The following IL34 variants were observed in gnomAD, a reference collection of about 807,000 sequenced individuals.
The protein encoded by IL34 is interleukin 34, also known as interleukin-34.
IL34 carries 17 observed loss-of-function variants against 25.3 expected under a neutral mutation model. The observed-to-expected ratio is 0.67, with a 90% CI of 0.46 to 1.01. IL34 has a LOEUF of 1.01. IL34 is among the 50% of genes least tolerant of loss of function. The pLI is 0.00. For synonymous variants in IL34, 174 were observed against 140.9 expected, an observed-to-expected ratio of 1.23 and a Z score of -1.66; for missense variants, 368 against 312.9, an observed-to-expected ratio of 1.18 and a Z score of -1.33.
intron 1 of IL34, among the ~76,000 whole-genome samples, chr16:70,637,845 T>C (rs900573229): frequency 1.2e-4 from 19 of 152,350 alleles, no homozygotes; most frequent in Admixed American, 2.0e-4. Context: ...TATTTTGCTA[T>C]GCTCTATTTA....
intron 1 of IL34, 85 bp from the exon 2 acceptor site, chr16:70,654,453 G>T: frequency 6.7e-7 from 1 of 1,499,296 alleles, no homozygotes; most frequent in South Asian, 1.3e-5. Context: ...GCAAATGGAT[G>T]ATGGTTGTGC....
At chr16:70,644,689 C>A (rs936441508), upstream of IL34, among the ~76,000 whole-genome samples, 5 of 130,282 alleles carry the variant, frequency 3.8e-5, no homozygotes, top group Admixed American at 9.2e-5. Context: ...AGGGGAATTG[C>A]CAGGGTGAGG....
At chr16:70,647,067 C>G in intron 1 of IL34, 92 bp downstream of exon 1, 1 of 1,180,626 alleles carries the variant, frequency 8.5e-7, no homozygotes, top group Non-Finnish European at 1.1e-6. Flanking sequence ...GGCATTCTTG[C>G]TGGTGAGAAG....
intron 4 of IL34, among the ~76,000 whole-genome samples, chr16:70,657,905 T>G (rs1010155756): frequency 6.6e-6 from 1 of 152,128 alleles, no homozygotes; most frequent in African/African-American, 2.4e-5. Flanking sequence ...TGGACTTTAG[T>G]TAATTAAAAA....
chr16:70,652,662 T>C (rs2052109936), intron 1 of IL34, among the ~76,000 whole-genome samples: 1 of 152,212 alleles, frequency 6.6e-6, no homozygotes, highest in Non-Finnish European at 1.5e-5. Context: ...TTCACTGTTA[T>C]AAAATAAATG....
chr16:70,656,525 A>G (rs1238368486), intron 2 of IL34, 77 bp from the exon 3 acceptor site: 1 of 845,186 alleles, frequency 1.2e-6, no homozygotes, highest in Non-Finnish European at 2.1e-6. Flanking sequence ...TGTTAAAAAA[A>G]ACATCATTTG....
At chr16:70,644,992 GGAGGAAGAA>G (rs2051888261), upstream of IL34, among the ~76,000 whole-genome samples, 7 of 148,182 alleles carry the variant, frequency 4.7e-5, no homozygotes, top group Non-Finnish European at 8.9e-5. Context: ...GTAGGAGGAA[GGAGGAAGAA>G]GAGGAAGAGG....
chr16:70,632,819 C>T (rs6499328), intron 1 of IL34, among the ~76,000 whole-genome samples: 85,971 of 151,950 alleles, frequency 0.57, 27,631 homozygotes, highest in African/African-American at 0.89. Flanking sequence ...TTGGGCTGGC[C>T]TTCTTTTGGG....
At chr16:70,608,639 G>T (rs924303608) in intron 1 of IL34, among the ~76,000 whole-genome samples, 2 of 152,182 alleles carry the variant, frequency 1.3e-5, no homozygotes, top group East Asian at 1.9e-4. Flanking sequence ...AGCCTCTGCC[G>T]CCAACTCTGA....
At chr16:70,634,570 C>G (rs1363862508) in intron 1 of IL34, among the ~76,000 whole-genome samples, 28 of 151,910 alleles carry the variant, frequency 1.8e-4, no homozygotes, top group Admixed American at 1.8e-3. Context: ...ATCCCAGGTA[C>G]TCAGGAGGCT....
intron 1 of IL34, among the ~76,000 whole-genome samples, chr16:70,599,363 CTT>C (rs1432042830): frequency 1.6e-5 from 2 of 123,180 alleles, no homozygotes; most frequent in African/African-American, 6.5e-5. Flanking sequence ...CTCTCTTTCT[CTT>C]TCTTTCTTTC....
intron 1 of IL34, among the ~76,000 whole-genome samples, chr16:70,638,248 A>C (rs908932920): frequency 6.6e-6 from 1 of 152,076 alleles, no homozygotes; most frequent in African/African-American, 2.4e-5. Flanking sequence ...AGGCCAAGGT[A>C]GGAGGACCAC....
At chr16:70,624,442 A>G (rs563076744) in intron 1 of IL34, among the ~76,000 whole-genome samples, 7 of 152,182 alleles carry the variant, frequency 4.6e-5, no homozygotes, top group Non-Finnish European at 7.4e-5. Context: ...CCAGATTCCA[A>G]TTTTTGGAAT....
intron 1 of IL34, among the ~76,000 whole-genome samples, chr16:70,629,150 G>A (rs1365023562): frequency 1.3e-5 from 2 of 152,072 alleles, no homozygotes; most frequent in African/African-American, 4.8e-5. Context: ...TGTACAAGTG[G>A]AAATAACTTC....
chr16:70,624,182 T>C (rs2051340577), intron 1 of IL34, among the ~76,000 whole-genome samples: 1 of 151,924 alleles, frequency 6.6e-6, no homozygotes, highest in African/African-American at 2.4e-5. Flanking sequence ...GGGACGCGGC[T>C]TAGGAGGAAT....
At chr16:70,654,722 C>A in intron 2 of IL34, 51 bp downstream of exon 2, 1 of 1,557,118 alleles carries the variant, frequency 6.4e-7, no homozygotes, top group Non-Finnish European at 8.7e-7. Flanking sequence ...CCGGGGTTCA[C>A]CTGGCATAGG....
chr16:70,634,947 T>C (rs1331189675), intron 1 of IL34, among the ~76,000 whole-genome samples: 1 of 152,192 alleles, frequency 6.6e-6, no homozygotes, highest in Admixed American at 6.5e-5. Context: ...TATTCCACTG[T>C]CTGATTATGG....
At chr16:70,657,859 C>T (rs1339141029) in intron 4 of IL34, among the ~76,000 whole-genome samples, 2 of 152,162 alleles carry the variant, frequency 1.3e-5, no homozygotes, top group East Asian at 3.8e-4. Context: ...ACCCACAGAA[C>T]TGTACAACAG....
chr16:70,646,752 G>A lies in IL34; in HGVS notation c.-196G>A. 1 of 524,184 alleles carries A rather than the reference G, an allele frequency of 1.9e-6. No homozygotes were observed. The highest frequency in any genetic ancestry group is 3.3e-6 in the Non-Finnish European group (1 of 305,404). The allele number at this position is 524,184 out of a possible 1,614,324, so 32.5% of individuals were successfully genotyped here. A position where few individuals can be genotyped will look rare whatever the true frequency, so the allele number is the denominator to read the frequency against. ...CCGCCCCCCGGCTGTCCTCCACGCTGCCGGGCAGATAAGGGCAGCTGCTGC... is the reference window on the plus strand; with the variant it reads ...CCGCCCCCCGGCTGTCCTCCACGCTACCGGGCAGATAAGGGCAGCTGCTGC... On this transcript the variant is annotated 5_prime_UTR_variant, in exon 1 of 6. Coordinates refer to ENST00000288098, the MANE Select transcript of IL34 (RefSeq NM_001393494.1).
Sources: gnomAD v4.1 joint callset for allele counts (sites outside exome capture counted in the v4.1 genomes callset) on GRCh38, gnomAD v4.1.1 for gene constraint, MANE v1.5 for transcripts, NCBI Gene and HGNC (gene_info 2026-07-23, HGNC 2026-07-21) for gene names.